The following ARHGAP32 variants were observed in gnomAD, a reference collection of about 807,000 sequenced individuals.
ARHGAP32 encodes rho GTPase-activating protein 32.
ARHGAP32 carries 51 observed loss-of-function variants against 186.5 expected under a neutral mutation model. That is an observed-to-expected ratio of 0.27 (90% CI 0.22 to 0.35). ARHGAP32 has a LOEUF of 0.35. Among genes scored for constraint, ARHGAP32 ranks in the 10% least tolerant of loss-of-function variants. The probability of loss-of-function intolerance (pLI) is 1.00; values close to 1 mark genes in which losing one functional copy is unlikely to be tolerated. For missense variants in ARHGAP32, 2,186 were observed against 2,623.5 expected, an observed-to-expected ratio of 0.83 and a Z score of 3.64; for synonymous variants, 950 against 964.3, an observed-to-expected ratio of 0.99 and a Z score of 0.27.
chr11:128,981,774 C>T (rs1389458796), intron 16 of ARHGAP32, 55 bp downstream of exon 16: 1 of 1,334,058 alleles, frequency 7.5e-7, no homozygotes, highest in Non-Finnish European at 1.1e-6. Flanking sequence ...ACTGATGAAT[C>T]AGCCTTTTAT....
chr11:129,130,649 CACAAT>C (rs1202339130), intron 2 of ARHGAP32, among the ~76,000 whole-genome samples: 3 of 151,554 alleles, frequency 2.0e-5, no homozygotes, highest in Non-Finnish European at 4.4e-5. Context: ...AAAATAAAAT[CACAAT>C]GAAGTAACAG....
At chr11:129,209,344 T>C (rs977543526) in intron 1 of ARHGAP32, among the ~76,000 whole-genome samples, 1 of 151,474 alleles carries the variant, frequency 6.6e-6, no homozygotes, top group African/African-American at 2.4e-5. Context: ...AGGGGCTGGA[T>C]GGCACGGAGT....
chr11:129,168,706 T>C (rs908231793), intron 1 of ARHGAP32, among the ~76,000 whole-genome samples: 22 of 152,178 alleles, frequency 1.4e-4, no homozygotes, highest in Admixed American at 3.9e-4. Flanking sequence ...AAACTCATTT[T>C]TTCTTTCACA....
At chr11:129,201,554 A>G (rs2135576033) in intron 1 of ARHGAP32, among the ~76,000 whole-genome samples, 1 of 152,364 alleles carries the variant, frequency 6.6e-6, no homozygotes, top group Admixed American at 6.5e-5. Flanking sequence ...TCTACTATTT[A>G]TATCTACGGA....
rs553627312 is a variant in ARHGAP32 at position 129,058,755 on chromosome 11, AT to A, written c.963+3524del. ...ATTCCACTGGATTAAAAGAAAAAGT[AT>A]AAAAACCACCGAACTAAGCTATTAT... On this transcript the variant is annotated intron_variant, in intron 10 of 22. Coordinates refer to ENST00000682385, the MANE Select transcript of ARHGAP32 (RefSeq NM_001378024.1). Among the ~76,000 whole-genome samples, 632 of 152,394 alleles carry A rather than the reference AT, an allele frequency of 4.1e-3. 8 individuals carry two copies. Among genetic ancestry groups the A allele is most frequent in the Non-Finnish European group, 3.5e-3 (238 of 68,038 alleles).
At chr11:129,036,577 GA>G (rs1039443349) in intron 11 of ARHGAP32, among the ~76,000 whole-genome samples, 19 of 152,146 alleles carry the variant, frequency 1.2e-4, no homozygotes, top group Non-Finnish European at 8.8e-5. Context: ...ATATGTGCAG[GA>G]AATTAAATGT....
At chr11:129,276,869 T>C (rs1055563178) in intron 1 of ARHGAP32, among the ~76,000 whole-genome samples, 1 of 152,134 alleles carries the variant, frequency 6.6e-6, no homozygotes, top group African/African-American at 2.4e-5. Flanking sequence ...CCAAGGAAGG[T>C]ACGCTGTCAC....
chr11:129,098,665 C>T (rs184680695), intron 5 of ARHGAP32, among the ~76,000 whole-genome samples: 289 of 152,184 alleles, frequency 1.9e-3, no homozygotes, highest in African/African-American at 6.3e-3. Flanking sequence ...GTGATCCACC[C>T]GCCTCGGCCT....
At chr11:129,172,127 G>C (rs1304870649) in intron 1 of ARHGAP32, among the ~76,000 whole-genome samples, 2 of 152,144 alleles carry the variant, frequency 1.3e-5, no homozygotes, top group Non-Finnish European at 2.9e-5. Context: ...GAGACAACTT[G>C]ACTTCCTCTC....
At chr11:129,192,474 T>C (rs1003657387), upstream of ARHGAP32, among the ~76,000 whole-genome samples, 16 of 152,182 alleles carry the variant, frequency 1.1e-4, no homozygotes, top group African/African-American at 3.6e-4. Flanking sequence ...ATGAAGGTGA[T>C]TTTTTACTAA....
intron 10 of ARHGAP32, among the ~76,000 whole-genome samples, chr11:129,050,137 G>T (rs1939983416): frequency 6.6e-6 from 1 of 152,180 alleles, no homozygotes; most frequent in Non-Finnish European, 1.5e-5. Flanking sequence ...GTTTTCAAAT[G>T]AGTTGTGACA....
intron 1 of ARHGAP32, among the ~76,000 whole-genome samples, chr11:129,190,855 G>A (rs1305443606): frequency 1.3e-5 from 2 of 152,124 alleles, no homozygotes; most frequent in Non-Finnish European, 2.9e-5. Context: ...TGGAAGGGAA[G>A]GGACTTACTC....
At chr11:129,081,824 AATG>A (rs546898983) in intron 6 of ARHGAP32, among the ~76,000 whole-genome samples, 10 of 152,170 alleles carry the variant, frequency 6.6e-5, no homozygotes, top group African/African-American at 2.4e-4. Flanking sequence ...GCTGTTCACC[AATG>A]ATATGATTGT....
intron 1 of ARHGAP32, among the ~76,000 whole-genome samples, chr11:129,179,316 A>G (rs923770601): frequency 1.1e-4 from 17 of 152,234 alleles, no homozygotes; most frequent in Non-Finnish European, 2.2e-4. Context: ...GAGGATGTGG[A>G]CAAATAGGAA....
intron 5 of ARHGAP32, among the ~76,000 whole-genome samples, chr11:129,097,915 G>C (rs1205331880): frequency 1.3e-5 from 2 of 152,138 alleles, no homozygotes; most frequent in East Asian, 3.8e-4. Context: ...AATCTTGAAA[G>C]AATCAAGATA....
chr11:128,997,412 GTATTAT>G (rs202063262), intron 12 of ARHGAP32, among the ~76,000 whole-genome samples: 1 of 152,002 alleles, frequency 6.6e-6, no homozygotes, highest in Non-Finnish European at 1.5e-5. Context: ...TATCAACTCA[GTATTAT>G]TATTATTACT....
intron 1 of ARHGAP32, among the ~76,000 whole-genome samples, chr11:129,217,493 A>T (rs1034237871): frequency 1.3e-5 from 2 of 152,204 alleles, no homozygotes; most frequent in Non-Finnish European, 2.9e-5. Context: ...TTTATTTTTT[A>T]AAAGTTCAGT....
chr11:129,275,860 A>G (rs1431016350), intron 1 of ARHGAP32, among the ~76,000 whole-genome samples: 1 of 152,290 alleles, frequency 6.6e-6, no homozygotes, highest in Non-Finnish European at 1.5e-5. Context: ...TATGGCCTGC[A>G]GGCTACAGTT....
chr11:129,025,867 TTAAG>T (rs1308235124), intron 11 of ARHGAP32, among the ~76,000 whole-genome samples: 2 of 148,814 alleles, frequency 1.3e-5, no homozygotes, highest in East Asian at 1.9e-4. Context: ...AACATATTAT[TTAAG>T]TAATATATGT....
Sources: allele counts gnomAD v4.1 joint callset (sites outside exome capture counted in the v4.1 genomes callset), GRCh38; gene constraint gnomAD v4.1.1; transcripts MANE v1.5; gene names NCBI Gene and HGNC (gene_info 2026-07-23, HGNC 2026-07-21).